CAPN2: variants seen among roughly 807,000 people sequenced by gnomAD.
The protein encoded by CAPN2 is calpain 2.
CAPN2 carries 92 observed loss-of-function variants against 102.3 expected under a neutral mutation model. The ratio of observed to expected loss-of-function variants is 0.90; its 90% CI spans 0.76 to 1.07. CAPN2 has a LOEUF of 1.07. Ranked by LOEUF, CAPN2 falls within the 50% of genes least tolerant of loss-of-function variation. The probability of loss-of-function intolerance (pLI) is 0.00; values close to 1 mark genes in which losing one functional copy is unlikely to be tolerated. For synonymous variants in CAPN2, 340 were observed against 355.4 expected, an observed-to-expected ratio of 0.96 and a Z score of 0.49; for missense variants, 800 against 909.4, an observed-to-expected ratio of 0.88 and a Z score of 1.55.
chr1:223,739,251 T>C (rs1008227710), intron 2 of CAPN2, among the ~76,000 whole-genome samples: 2 of 150,522 alleles, frequency 1.3e-5, no homozygotes, highest in Non-Finnish European at 2.9e-5. Flanking sequence ...TGGTGCAATC[T>C]GGGCTCACTG....
chr1:223,732,882 C>G (rs1354327368), intron 2 of CAPN2, among the ~76,000 whole-genome samples: 1 of 152,090 alleles, frequency 6.6e-6, no homozygotes. Context: ...GTCTTATCTC[C>G]CTCTGGTATC....
intron 2 of CAPN2, among the ~76,000 whole-genome samples, chr1:223,733,203 C>T (rs906483595): frequency 1.6e-4 from 25 of 152,198 alleles, no homozygotes; most frequent in African/African-American, 5.8e-4. Flanking sequence ...CTCTCCTGCA[C>T]TCCCCCTCCC....
intron 2 of CAPN2, among the ~76,000 whole-genome samples, chr1:223,719,856 A>T (rs1660005124): frequency 6.6e-6 from 1 of 150,582 alleles, no homozygotes; most frequent in Non-Finnish European, 1.5e-5. Flanking sequence ...ATAATGCAGT[A>T]TTGGTCATTT....
At chr1:223,704,596 C>A (rs557744626) in intron 1 of CAPN2, among the ~76,000 whole-genome samples, 1 of 152,192 alleles carries the variant, frequency 6.6e-6, no homozygotes, top group South Asian at 2.1e-4. Flanking sequence ...CACTGAGTCA[C>A]GGTCCGTGTG....
Position 223,766,461 on chromosome 1 carries a change from G to A in CAPN2, c.1755+30G>A, listed in dbSNP as rs1346909499. ...CCTTTAATGTGCTCCAGGGAATAGA[G>A]ACTGGGGGAGTTTAAAATCTCACTC... On this transcript the variant is annotated intron_variant, in intron 16 of 20. Transcript: ENST00000295006. The A allele has an allele frequency of 2.0e-6, 3 of 1,511,456 alleles. No individual in the cohort carries two copies. In the East Asian group the frequency reaches 6.8e-5, roughly 34 times the overall value. The allele number at this position is 1,511,456 out of a possible 1,614,324, so 93.6% of individuals were successfully genotyped here.
chr1:223,751,663 G>C (rs12563477), intron 7 of CAPN2, among the ~76,000 whole-genome samples: 12,620 of 152,146 alleles, frequency 0.083, 548 homozygotes, highest in African/African-American at 0.094. Context: ...CTCTAAAAGA[G>C]CTGCCAGGCC....
chr1:223,755,361 C>T lies in CAPN2; in HGVS notation c.1136-119C>T. On this transcript the variant is annotated intron_variant, in intron 9 of 20. Transcript: ENST00000295006. The surrounding 1 kb of genome is among the most constrained non-coding windows in gnomAD (Gnocchi z 4.1). ...ACCTCTTACCATCTCCCACCACCTC[C>T]CACCATCTCCCTTTATCTCCATCCC... 1.1e-6 allele frequency: 1 copy of T among 945,924 alleles called. No individual in the cohort carries two copies. Among genetic ancestry groups the T allele is most frequent in the South Asian group, 1.6e-5 (1 of 62,942 alleles). 58.6% of individuals were successfully genotyped at this position (945,924 alleles called of 1,614,324 possible). A position where few individuals can be genotyped will look rare whatever the true frequency, so the allele number is the denominator to read the frequency against.
In CAPN2 at chr1:223,746,978, G is replaced by A. The variant is rs367715962; in HGVS notation, c.561-19G>A. 77 of 1,609,190 alleles carry A rather than the reference G, an allele frequency of 4.8e-5. No individual in the cohort carries two copies. Among genetic ancestry groups the A allele is most frequent in the African/African-American group, 3.1e-4 (23 of 74,806 alleles). ...CAGTAGTGTCAAGGGTAGCGGCAGC[G>A]TCTAATCCCCTCTTGTAGGATCAAC... On this transcript the variant is annotated intron_variant, in intron 4 of 20. Transcript: ENST00000295006.
chr1:223,730,108 A>T (rs774958228), intron 2 of CAPN2, among the ~76,000 whole-genome samples: 1 of 148,860 alleles, frequency 6.7e-6, no homozygotes, highest in East Asian at 2.0e-4. Flanking sequence ...GGTTTTTATT[A>T]TGTAGATGAA....
Position 223,726,109 on chromosome 1 carries a change from C to CTT in CAPN2, c.307+8279_307+8280insTT, listed in dbSNP as rs35593160. Among the ~76,000 whole-genome samples, 152,240 of 152,276 alleles carry CTT rather than the reference C, an allele frequency of 1. 76,102 individuals are homozygous for CTT. The highest frequency in any genetic ancestry group is 1 in the Middle Eastern group (294 of 294). Reference sequence around the variant, plus strand: ...TTTTGCTACCCCAGCCCAAGCAAGACTAGTAGTTCAGCTTTGTGAATCCCC... The same window carrying CTT: ...TTTTGCTACCCCAGCCCAAGCAAGACTTTAGTAGTTCAGCTTTGTGAATCCCC... On this transcript the variant is annotated intron_variant, in intron 2 of 20. Coordinates refer to ENST00000295006, the MANE Select transcript of CAPN2 (RefSeq NM_001748.5). This position sits in a 1 kb window ranked among gnomAD's most constrained non-coding sequence, Gnocchi z 4.4.
At chr1:223,772,416 T>C (rs1661506693) in intron 20 of CAPN2, 177 bp downstream of exon 20, 2 of 568,668 alleles carry the variant, frequency 3.5e-6, no homozygotes, top group Middle Eastern at 4.7e-4. Context: ...GCAGTTGTTT[T>C]CCAACCACCT....
rs1659771993 is a variant in CAPN2, at chr1:223,712,830, G to C, written c.190G>C (p.Gly64Arg). The change falls in exon 1 of 21, where the codon GGG becomes CGG. Residue 64 changes from glycine (G) to arginine (R), a missense_variant. Coordinates refer to ENST00000295006, the MANE Select transcript of CAPN2 (RefSeq NM_001748.5). ...CTCGGCCCTGGGCTTCAAGGAGTTG[G>C]GGCCCTACTCCAGCAAAACCCGGGG... is the stretch of plus-strand genomic sequence containing the variant. ...IPSALGFKEL[G>R]PYSSKTRGIE... 6.4e-7 allele frequency: 1 copy of C among 1,567,148 alleles called. No homozygotes were observed.
chr1:223,702,894 G>A (rs1251825684), intron 1 of CAPN2, among the ~76,000 whole-genome samples: 1 of 152,200 alleles, frequency 6.6e-6, no homozygotes, highest in Non-Finnish European at 1.5e-5. Flanking sequence ...GAAAAACCAG[G>A]AGAAGGAGGG....
chr1:223,750,009 CA>C (rs557247534), intron 6 of CAPN2, among the ~76,000 whole-genome samples: 9 of 149,782 alleles, frequency 6.0e-5, no homozygotes, highest in Admixed American at 2.0e-4. Context: ...GACCATGTCT[CA>C]AAAAAAAAAT....
In CAPN2 at chr1:223,759,206, G is replaced by A. The variant is rs1458974251; in HGVS notation, c.1318-64G>A. 6.8e-7 allele frequency: 1 copy of A among 1,461,296 alleles called. No individual in the cohort carries two copies. The highest frequency in any genetic ancestry group is 9.6e-7 in the Non-Finnish European group (1 of 1,043,316). 90.5% of individuals were successfully genotyped at this position (1,461,296 alleles called of 1,614,324 possible). ...CCCAACTGCTTTTATCTCAGTGAATGAAAATGATACTTGCCTGGAGGCTTC... is the reference window on the plus strand; with the variant it reads ...CCCAACTGCTTTTATCTCAGTGAATAAAAATGATACTTGCCTGGAGGCTTC... On this transcript the variant is annotated intron_variant, in intron 11 of 20. Transcript: ENST00000295006. The surrounding 1 kb of genome is among the most constrained non-coding windows in gnomAD (Gnocchi z 4.6).
rs1661125437 is a variant in CAPN2, at chr1:223,759,320, T to G, written c.1368T>G (p.Asn456Lys). Residue 456 changes from asparagine (N) to lysine (K), a missense_variant, in exon 12 of 21, where the codon AAT becomes AAG. By Grantham distance (94) the Asn-to-Lys change is moderately conservative. Coordinates refer to ENST00000295006, the MANE Select transcript of CAPN2 (RefSeq NM_001748.5). This position sits in a 1 kb window ranked among gnomAD's most constrained non-coding sequence, Gnocchi z 4.6. ...IHLSKNFFLT[N>K]RARERSDTFI... ...TCAGCAAAAACTTCTTCCTGACGAA[T>G]CGCGCCAGGGAGCGCTCAGACACCT... 1.9e-6 allele frequency: 3 copies of G among 1,614,214 alleles called. No homozygotes were observed. The highest frequency in any genetic ancestry group is 2.5e-6 in the Non-Finnish European group (3 of 1,180,042).
At chr1:223,723,261 C>T (rs146548097) in intron 2 of CAPN2, among the ~76,000 whole-genome samples, 1 of 152,164 alleles carries the variant, frequency 6.6e-6, no homozygotes, top group Admixed American at 6.6e-5. Flanking sequence ...CTGCTGTGAG[C>T]CGTGCACTCC....
intron 16 of CAPN2, among the ~76,000 whole-genome samples, 180 bp from the exon 17 acceptor site, chr1:223,769,661 G>A (rs535752449): frequency 6.6e-6 from 1 of 152,186 alleles, no homozygotes; most frequent in African/African-American, 2.4e-5. Context: ...GGTCTTTCTC[G>A]CCCTTCCTCC....
chr1:223,723,064 T>C (rs541695601), intron 2 of CAPN2, among the ~76,000 whole-genome samples: 7 of 152,362 alleles, frequency 4.6e-5, no homozygotes, highest in African/African-American at 1.7e-4. Flanking sequence ...GGCTCACACC[T>C]GTAATCCCAG....
Sources: allele counts gnomAD v4.1 joint callset (sites outside exome capture counted in the v4.1 genomes callset), GRCh38; gene constraint gnomAD v4.1.1; non-coding constraint Gnocchi (gnomAD v3.1); transcripts MANE v1.5; gene names NCBI Gene and HGNC (gene_info 2026-07-23, HGNC 2026-07-21).